SBNO1: variants seen among roughly 807,000 people sequenced by gnomAD.
SBNO1 encodes the protein protein strawberry notch homolog 1.
A neutral mutation model predicts 173.6 loss-of-function variants in SBNO1; 23 were observed. That is an observed-to-expected ratio of 0.13 (90% confidence interval 0.10 to 0.19). The LOEUF (loss-of-function observed/expected upper bound fraction) is 0.19, where lower values mean the gene tolerates loss of function less well. SBNO1 is among the 10% of genes least tolerant of loss of function. SBNO1 has a pLI of 1.00. For missense variants in SBNO1, 1,238 were observed against 1,671.2 expected, an observed-to-expected ratio of 0.74 and a Z score of 4.52; for synonymous variants, 632 against 571.5, an observed-to-expected ratio of 1.11 and a Z score of -1.51.
intron 30 of SBNO1, among the ~76,000 whole-genome samples, chr12:123,302,407 A>G (rs1325383972): frequency 1.3e-5 from 2 of 151,338 alleles, no homozygotes; most frequent in Non-Finnish European, 2.9e-5. Context: ...CACACCGGCT[A>G]ATTGTTTTGT....
chr12:123,311,691 C>CGTAT (rs1424278237), intron 24 of SBNO1, among the ~76,000 whole-genome samples: 5 of 121,768 alleles, frequency 4.1e-5, no homozygotes, highest in South Asian at 2.8e-4. Flanking sequence ...AAACAAGTAA[C>CGTAT]CTATCTATCT....
At chr12:123,347,387 C>T (rs1381847903) in intron 3 of SBNO1, among the ~76,000 whole-genome samples, 10 of 150,220 alleles carry the variant, frequency 6.7e-5, no homozygotes, top group African/African-American at 2.0e-4. Context: ...CCACCACACC[C>T]GGCTAATTTT....
At chr12:123,359,697 G>C (rs1242966931) in intron 1 of SBNO1, among the ~76,000 whole-genome samples, 1 of 152,020 alleles carries the variant, frequency 6.6e-6, no homozygotes, top group Non-Finnish European at 1.5e-5. Context: ...CAATAAATAA[G>C]TTAATTTGAT....
At chr12:123,300,137 T>C (rs1195931578) in intron 30 of SBNO1, among the ~76,000 whole-genome samples, 5 of 152,224 alleles carry the variant, frequency 3.3e-5, no homozygotes, top group Non-Finnish European at 5.9e-5. Context: ...TTCTGGTTAG[T>C]ACTAACTCAA....
At chr12:123,308,307 A>C (rs894787112) in intron 28 of SBNO1, among the ~76,000 whole-genome samples, 1 of 152,150 alleles carries the variant, frequency 6.6e-6, no homozygotes, top group Non-Finnish European at 1.5e-5. Flanking sequence ...CTAACTGAAA[A>C]ATGAGTCTTA....
At chr12:123,304,821 C>T in intron 28 of SBNO1, 102 bp from the exon 29 acceptor site, 1 of 811,988 alleles carries the variant, frequency 1.2e-6, no homozygotes, top group Non-Finnish European at 2.0e-6. Context: ...GAGACTATAA[C>T]ACTAAGTAAG....
intron 24 of SBNO1, among the ~76,000 whole-genome samples, chr12:123,311,708 C>CTATATATATATATATATATA (rs1287595744): frequency 1.6e-5 from 1 of 62,314 alleles, no homozygotes; most frequent in African/African-American, 5.9e-5. Flanking sequence ...ATCTATCTAT[C>CTATATATATATATATATATA]TATCTATCTA....
rs374080480 is a variant in SBNO1, at chr12:123,328,058, A to T, written c.1297-31T>A. ...TGGAATGAGTTAAGGAATGTATCAC[A>T]TTAGTATTAAGTAAGAATCTCCAGT... On this transcript the variant is annotated intron_variant, in intron 10 of 31. Coordinates refer to ENST00000602398, the MANE Select transcript of SBNO1 (RefSeq NM_001167856.3). 9 of 1,533,270 alleles carry T rather than the reference A, an allele frequency of 5.9e-6. No individual in the cohort carries two copies. The African/African-American group carries it at 1.1e-4, about 19-fold the overall frequency. The allele number at this position is 1,533,270 out of a possible 1,614,324, so 95.0% of individuals were successfully genotyped here.
chr12:123,304,769 A>G, intron 28 of SBNO1, 50 bp from the exon 29 acceptor site: 3 of 1,215,974 alleles, frequency 2.5e-6, no homozygotes, highest in Non-Finnish European at 3.5e-6. Flanking sequence ...ACACACTTTA[A>G]GACATGTTTC....
At chr12:123,318,497 C>G (rs1341973480) in intron 20 of SBNO1, among the ~76,000 whole-genome samples, 2 of 151,938 alleles carry the variant, frequency 1.3e-5, no homozygotes, top group African/African-American at 4.8e-5. Flanking sequence ...TTTTGGGAGG[C>G]AGAGGTGGGT....
chr12:123,300,220 T>C (rs1215933874), intron 30 of SBNO1, among the ~76,000 whole-genome samples: 1 of 152,192 alleles, frequency 6.6e-6, no homozygotes, highest in Non-Finnish European at 1.5e-5. Flanking sequence ...CAAATGTTTG[T>C]TGTTTTTTAA....
intron 30 of SBNO1, among the ~76,000 whole-genome samples, chr12:123,299,702 A>AAC (rs1479644565): frequency 1.3e-5 from 2 of 150,814 alleles, no homozygotes; most frequent in South Asian, 4.2e-4. Context: ...AAAAAAAACA[A>AAC]AAAAGCCAAG....
intron 2 of SBNO1, among the ~76,000 whole-genome samples, chr12:123,348,395 G>C (rs532917901): frequency 1.1e-3 from 174 of 151,944 alleles, no homozygotes; most frequent in African/African-American, 4.1e-3. Flanking sequence ...AGGCCGAGGT[G>C]GGCGGATCAT....
rs1404918939 is a variant in SBNO1, at chr12:123,294,403, G to A, written c.*1505C>T. ...CCTCAATGCCATCTTACATTTTAGG[G>A]ATAAGTTTTAAGCCAAACTATAAGG... On this transcript the variant is annotated 3_prime_UTR_variant, in exon 32 of 32. Transcript: ENST00000602398. 1 of 151,952 alleles carries A rather than the reference G, an allele frequency of 6.6e-6. No homozygotes were observed. The highest frequency in any genetic ancestry group is 1.5e-5 in the Non-Finnish European group (1 of 68,042). 9.4% of individuals were successfully genotyped at this position (151,952 alleles called of 1,614,324 possible).
At chr12:123,363,457 C>T (rs1348372049) in intron 1 of SBNO1, among the ~76,000 whole-genome samples, 1 of 152,172 alleles carries the variant, frequency 6.6e-6, no homozygotes, top group Non-Finnish European at 1.5e-5. Flanking sequence ...GTTCTCTGCA[C>T]CCTTCTGGAT....
intron 8 of SBNO1, 101 bp from the exon 9 acceptor site, chr12:123,330,610 A>C: frequency 1.6e-6 from 1 of 610,120 alleles, no homozygotes; most frequent in South Asian, 2.1e-5. Flanking sequence ...AAAAAAAAAA[A>C]AAAAAAGAAA....
chr12:123,313,657 T>C lies in SBNO1; in HGVS notation c.3183A>G (p.Val1061=), dbSNP rs757989466. 2.2e-5 allele frequency: 35 copies of C among 1,606,076 alleles called. No individual in the cohort carries two copies. The highest frequency in any genetic ancestry group is 2.8e-5 in the Non-Finnish European group (33 of 1,173,474). The change falls in exon 24 of 32, where the codon GTA becomes GTG. Residue 1061 remains valine, a synonymous_variant. Coordinates refer to ENST00000602398, the MANE Select transcript of SBNO1 (RefSeq NM_001167856.3). The part of the protein sequence containing the change: ...KSIVNLDSPM[V]SPPPDYPGEF... ...CTCCAGGATAGTCTGGAGGTGGTGA[T>C]ACCATAGGAGAATCCAAGTTTACAA...
chr12:123,344,567 C>T (rs544785990), intron 4 of SBNO1, among the ~76,000 whole-genome samples: 23 of 152,232 alleles, frequency 1.5e-4, no homozygotes, highest in African/African-American at 4.8e-4. Context: ...CACAAGCAGG[C>T]CGGGCATGGT....
intron 2 of SBNO1, among the ~76,000 whole-genome samples, chr12:123,350,090 A>G (rs758133488): frequency 3.0e-4 from 45 of 152,046 alleles, no homozygotes; most frequent in Non-Finnish European, 5.4e-4. Flanking sequence ...CTGTCTCTAC[A>G]AAAAAGACAA....
Sources: gnomAD v4.1 joint callset for allele counts (sites outside exome capture counted in the v4.1 genomes callset) on GRCh38, gnomAD v4.1.1 for gene constraint, MANE v1.5 for transcripts, NCBI Gene and HGNC (gene_info 2026-07-23, HGNC 2026-07-21) for gene names.